Variants in PHACTR4 observed in about 807,000 individuals in gnomAD.
PHACTR4 encodes the protein protein phosphatase 1, regulatory subunit 124.
Under a neutral mutation model 72.7 loss-of-function variants are expected in PHACTR4, and 51 were observed. The ratio of observed to expected loss-of-function variants is 0.70; its 90% CI spans 0.56 to 0.89. The LOEUF (loss-of-function observed/expected upper bound fraction) is 0.89. Ranked by LOEUF, PHACTR4 falls within the 40% of genes least tolerant of loss-of-function variation. The pLI, the probability that PHACTR4 is intolerant of heterozygous loss-of-function variation, is 0.00. For missense variants in PHACTR4, 731 were observed against 861.8 expected (o/e 0.85, Z 1.90); for synonymous variants, 255 against 302.5 (o/e 0.84, Z 1.63).
At chr1:28,483,418 CAGCCCA>C (rs1557846288) in intron 9 of PHACTR4, among the ~76,000 whole-genome samples, 1 of 151,934 alleles carries the variant, frequency 6.6e-6, no homozygotes, top group Non-Finnish European at 1.5e-5. Flanking sequence ...CACTGCACTC[CAGCCCA>C]GTCATCAGAG....
At chr1:28,493,456 T>G (rs577454301) in intron 13 of PHACTR4, among the ~76,000 whole-genome samples, 1 of 151,224 alleles carries the variant, frequency 6.6e-6, no homozygotes, top group Admixed American at 6.6e-5. Context: ...GAGAATCACT[T>G]GAACCCGGGA....
In PHACTR4 at chr1:28,480,569, T is replaced by A. The variant is rs771136596; in HGVS notation, c.1725T>A (p.Asn575Lys). The part of the protein sequence containing the change: ...SWPCKSKEEW[N>K]EIRHQIGNTL... The stretch of plus-strand genomic sequence containing the variant: ...CTTGTAAAAGCAAGGAGGAGTGGAA[T>A]GAAATACGGCACCAGATTGGAAACA... The change falls in exon 9 of 14, where the codon AAT becomes AAA. Residue 575 changes from asparagine to lysine, a missense_variant. Around this residue, in one of 2 missense-constraint regions of PHACTR4, gnomAD observed 110 missense variants for 185.2 expected, o/e 0.59. Transcript: ENST00000373839. 6.2e-7 allele frequency: 1 copy of A among 1,614,202 alleles called. No individual in the cohort carries two copies. The highest frequency in any genetic ancestry group is 1.7e-5 in the Admixed American group (1 of 60,008).
intron 2 of PHACTR4, among the ~76,000 whole-genome samples, chr1:28,413,587 T>A (rs1008638022): frequency 2.0e-5 from 3 of 152,212 alleles, no homozygotes; most frequent in African/African-American, 7.2e-5. Flanking sequence ...CAACTTTATC[T>A]TCTACTTTTA....
intron 13 of PHACTR4, 126 bp downstream of exon 13, chr1:28,493,217 T>C: frequency 1.3e-6 from 1 of 799,268 alleles, no homozygotes; most frequent in Non-Finnish European, 2.1e-6. Context: ...AAGACTGCAT[T>C]CAAAGGGATG....
intron 1 of PHACTR4, among the ~76,000 whole-genome samples, chr1:28,377,441 T>C (rs1651771498): frequency 6.6e-6 from 1 of 151,304 alleles, no homozygotes; most frequent in South Asian, 2.1e-4. Flanking sequence ...GGTTTCACCA[T>C]GTTGGCCAGG....
chr1:28,380,138 G>A (rs1302980327), intron 1 of PHACTR4, among the ~76,000 whole-genome samples: 21 of 135,590 alleles, frequency 1.5e-4, no homozygotes, highest in African/African-American at 5.9e-4. Context: ...CTCACTGCAA[G>A]CTCCGCCTCC....
intron 2 of PHACTR4, among the ~76,000 whole-genome samples, chr1:28,424,656 T>G (rs530441258): frequency 1.3e-5 from 2 of 151,300 alleles, no homozygotes; most frequent in Non-Finnish European, 2.9e-5. Context: ...ACTTGGCTTA[T>G]TTTTTCTATT....
At chr1:28,494,118 T>C (rs1050676775) in intron 13 of PHACTR4, 1 of 151,950 alleles carries the variant, frequency 6.6e-6, no homozygotes, top group Non-Finnish European at 1.5e-5. Flanking sequence ...TCTCGACACT[T>C]TGAGTGGCTG....
At chr1:28,481,663 G>A (rs1202227892) in intron 9 of PHACTR4, among the ~76,000 whole-genome samples, 2 of 151,716 alleles carry the variant, frequency 1.3e-5, no homozygotes, top group East Asian at 2.0e-4. Context: ...GGTGGCATGC[G>A]CCTATAGTCC....
Position 28,476,234 on chromosome 1 carries a change from G to A in PHACTR4, c.1549G>A (p.Asp517Asn), listed in dbSNP as rs750549441. ...REEEEKESDS[D>N]SEGPIQYRDE... The stretch of plus-strand genomic sequence containing the variant: ...GGAAGAAGAGAAGGAGAGCGACTCT[G>A]ATTCAGAAGGTCCCATTCAGTACCG... Residue 517 changes from aspartate (D) to asparagine (N), a missense_variant, in exon 8 of 14, where the codon GAT becomes AAT. Asp to Asn is a conservative substitution (Grantham distance 23). This residue lies in a region of PHACTR4 where 621 missense variants were observed against 676.6 expected (regional missense o/e 0.92). Transcript: ENST00000373839. 6.2e-7 allele frequency: 1 copy of A among 1,613,702 alleles called. No homozygotes were observed. The highest frequency in any genetic ancestry group is 8.5e-7 in the Non-Finnish European group (1 of 1,179,852).
At chr1:28,375,853 C>T (rs902732406) in intron 1 of PHACTR4, among the ~76,000 whole-genome samples, 1 of 152,032 alleles carries the variant, frequency 6.6e-6, no homozygotes. Context: ...GTGGATCACC[C>T]GAGGTCCAGA....
At chr1:28,490,082 C>G (rs1300031772) in intron 10 of PHACTR4, among the ~76,000 whole-genome samples, 2 of 152,126 alleles carry the variant, frequency 1.3e-5, no homozygotes, top group Non-Finnish European at 2.9e-5. Flanking sequence ...AAATGAACAA[C>G]TATACGTAAT....
At chr1:28,431,190 AAC>A (rs1557809127) in intron 2 of PHACTR4, among the ~76,000 whole-genome samples, 1 of 135,114 alleles carries the variant, frequency 7.4e-6, no homozygotes. Context: ...AAAAAAAAAA[AAC>A]CAAAATATAT....
At chr1:28,384,673 T>TC (rs1486272875) in intron 1 of PHACTR4, among the ~76,000 whole-genome samples, 14 of 152,274 alleles carry the variant, frequency 9.2e-5, no homozygotes, top group African/African-American at 3.4e-4. Context: ...GGTGGATGGA[T>TC]CCCTTGAGGC....
chr1:28,438,632 C>T (rs1288786742), intron 2 of PHACTR4, among the ~76,000 whole-genome samples: 2 of 152,160 alleles, frequency 1.3e-5, no homozygotes, highest in Non-Finnish European at 2.9e-5. Context: ...AACTTAAAAA[C>T]TTAAATTCAG....
chr1:28,423,143 C>A (rs1000206828), intron 2 of PHACTR4, among the ~76,000 whole-genome samples: 1 of 150,556 alleles, frequency 6.6e-6, no homozygotes, highest in Non-Finnish European at 1.5e-5. Flanking sequence ...CTGGGCATGG[C>A]GGCTCATGCC....
intron 1 of PHACTR4, among the ~76,000 whole-genome samples, chr1:28,385,249 A>T (rs972149736): frequency 1.3e-5 from 2 of 152,088 alleles, no homozygotes; most frequent in African/African-American, 4.8e-5. Context: ...TTATTTACTC[A>T]AAAGTCATTC....
At chr1:28,408,656 GTATA>G (rs1405736728) in intron 2 of PHACTR4, among the ~76,000 whole-genome samples, 2 of 149,734 alleles carry the variant, frequency 1.3e-5, no homozygotes, top group Admixed American at 6.7e-5. Context: ...GTGTGTGTGT[GTATA>G]TATATATATA....
rs377431492 is a variant in PHACTR4, at chr1:28,466,420, G to C, written c.475G>C (p.Val159Leu). 6.2e-7 allele frequency: 1 copy of C among 1,613,852 alleles called. No individual in the cohort carries two copies. The highest frequency in any genetic ancestry group is 8.5e-7 in the Non-Finnish European group (1 of 1,179,818). The change falls in exon 6 of 14, where the codon GTT becomes CTT. Residue 159 changes from valine to leucine, a missense_variant. Val to Leu is a conservative substitution (Grantham distance 32). Coordinates refer to ENST00000373839, the MANE Select transcript of PHACTR4 (RefSeq NM_001048183.3). ...GSQPNSEAES[V>L]PENVPKPPLL... The stretch of plus-strand genomic sequence containing the variant: ...CCAGCCTAATTCTGAAGCAGAGTCT[G>C]TTCCTGAGAATGTACCCAAACCACC...
Sources: gnomAD v4.1 joint callset for allele counts (sites outside exome capture counted in the v4.1 genomes callset) on GRCh38, gnomAD v4.1.1 for gene constraint, gnomAD v4.1.1 regional missense constraint, MANE v1.5 for transcripts, NCBI Gene and HGNC (gene_info 2026-07-23, HGNC 2026-07-21) for gene names.